The following PLCL1 variants were observed in gnomAD, a reference collection of about 807,000 sequenced individuals.
The protein encoded by PLCL1 is phospholipase C like 1 (inactive), also known as inactive phospholipase C-like protein 1.
A neutral mutation model predicts 84.4 loss-of-function variants in PLCL1; 41 were observed. The ratio of observed to expected loss-of-function variants is 0.49; its 90% CI spans 0.38 to 0.63. The LOEUF is 0.63. Among genes scored for constraint, PLCL1 ranks in the 30% least tolerant of loss-of-function variants. PLCL1 has a pLI of 0.00. For synonymous variants in PLCL1, 490 were observed against 488.3 expected (o/e 1.00, Z -0.05); for missense variants, 1,206 against 1,367.8 (o/e 0.88, Z 1.87).
At chr2:197,883,854 C>T (rs1396713700) in intron 1 of PLCL1, among the ~76,000 whole-genome samples, 1 of 152,022 alleles carries the variant, frequency 6.6e-6, no homozygotes, top group African/African-American at 2.4e-5. Context: ...CAGAACTTGT[C>T]CTAGATAGGA....
At chr2:198,074,350 A>G (rs1475223756) in intron 1 of PLCL1, among the ~76,000 whole-genome samples, 1 of 152,098 alleles carries the variant, frequency 6.6e-6, no homozygotes, top group Non-Finnish European at 1.5e-5. Context: ...CTCCAATAAC[A>G]CTCTATGATA....
intron 1 of PLCL1, among the ~76,000 whole-genome samples, chr2:197,865,106 G>T (rs1345562485): frequency 6.6e-6 from 1 of 152,082 alleles, no homozygotes; most frequent in Non-Finnish European, 1.5e-5. Flanking sequence ...TATAATTGAA[G>T]AATCTAAGGT....
At chr2:197,832,542 G>A (rs1019810435) in intron 1 of PLCL1, among the ~76,000 whole-genome samples, 2 of 152,166 alleles carry the variant, frequency 1.3e-5, no homozygotes, top group African/African-American at 2.4e-5. Flanking sequence ...CCTAGCACCA[G>A]ACAGATTCAC....
At chr2:198,030,850 G>C (rs1198331481) in intron 1 of PLCL1, among the ~76,000 whole-genome samples, 1 of 152,130 alleles carries the variant, frequency 6.6e-6, no homozygotes, top group Non-Finnish European at 1.5e-5. Flanking sequence ...GGTGATGGTA[G>C]GCACCTGAGC....
Position 198,089,092 on chromosome 2 carries a change from G to A in PLCL1, c.2919+31G>A, listed in dbSNP as rs3213867. 0.18 allele frequency: 246,827 copies of A among 1,352,694 alleles called. 21,349 individuals carry two copies. Among genetic ancestry groups the A allele is most frequent in the East Asian group, 0.25 (10,525 of 42,636 alleles). The allele number at this position is 1,352,694 out of a possible 1,614,324, so 83.8% of individuals were successfully genotyped here. A position where few individuals can be genotyped will look rare whatever the true frequency, so the allele number is the denominator to read the frequency against. On this transcript the variant is annotated intron_variant, in intron 3 of 5. Coordinates refer to ENST00000428675, the MANE Select transcript of PLCL1 (RefSeq NM_006226.4). The stretch of plus-strand genomic sequence containing the variant: ...AAATTGCGACTCCATATTTTTTTAC[G>A]TGTGTGTGTGTGTGAAATCACAAAT...
chr2:197,832,938 G>A (rs1419771245), intron 1 of PLCL1, among the ~76,000 whole-genome samples: 3 of 152,076 alleles, frequency 2.0e-5, no homozygotes, highest in Non-Finnish European at 2.9e-5. Flanking sequence ...AAAGGCCTTC[G>A]ATAAAATTTG....
At chr2:198,046,486 A>G (rs1431213108) in intron 1 of PLCL1, among the ~76,000 whole-genome samples, 6 of 152,204 alleles carry the variant, frequency 3.9e-5, no homozygotes, top group Admixed American at 1.3e-4. Flanking sequence ...AGACATAAAT[A>G]AGTAAAACAG....
At chr2:198,010,163 T>C (rs1351484382) in intron 1 of PLCL1, among the ~76,000 whole-genome samples, 1 of 152,016 alleles carries the variant, frequency 6.6e-6, no homozygotes, top group African/African-American at 2.4e-5. Context: ...TTATTTCTTT[T>C]TCTTGTCTAA....
At chr2:198,118,566 A>G (rs1693798623) in intron 5 of PLCL1, among the ~76,000 whole-genome samples, 1 of 152,046 alleles carries the variant, frequency 6.6e-6, no homozygotes, top group Admixed American at 6.6e-5. Context: ...ATGAATTTTC[A>G]TTGAAGTTAA....
At chr2:198,051,527 C>T (rs1042591181) in intron 1 of PLCL1, among the ~76,000 whole-genome samples, 2 of 151,818 alleles carry the variant, frequency 1.3e-5, no homozygotes, top group South Asian at 2.1e-4. Context: ...TAATATCTTC[C>T]AACCACATTC....
chr2:198,085,223 C>A lies in PLCL1; in HGVS notation c.1706C>A (p.Ser569Ter). Residue 569 changes from serine to a stop codon, truncating the protein, a stop_gained, in exon 2 of 6, where the codon TCG (serine) becomes TAG (stop). Transcript: ENST00000428675. LOFTEE classifies it high-confidence loss of function. The surrounding 1 kb of genome is among the most constrained non-coding windows in gnomAD (Gnocchi z 5.3). The stretch of plus-strand genomic sequence containing the variant: ...GAAGCTGAAATGTCTCGAAGGATGT[C>A]GGTAGATTACAATGGTGAGCAGAAG... Reference protein sequence around the residue: ...DEEAEMSRRMSVDYNGEQKQI... With the variant: ...DEEAEMSRRM 1 of 1,613,872 alleles carries A rather than the reference C, an allele frequency of 6.2e-7. No homozygotes were observed. The highest frequency in any genetic ancestry group is 8.5e-7 in the Non-Finnish European group (1 of 1,179,920).
intron 1 of PLCL1, among the ~76,000 whole-genome samples, chr2:197,834,643 G>T (rs551687392): frequency 6.6e-5 from 10 of 152,296 alleles, no homozygotes; most frequent in Admixed American, 5.2e-4. Flanking sequence ...AAAAAGTCAG[G>T]AAACAACACA....
chr2:197,945,849 C>T (rs1689261201), intron 1 of PLCL1, among the ~76,000 whole-genome samples: 1 of 152,032 alleles, frequency 6.6e-6, no homozygotes, highest in African/African-American at 2.4e-5. Flanking sequence ...TTGGTTAACA[C>T]CTGTCCAGTT....
chr2:197,957,930 A>AT (rs1689524112), intron 1 of PLCL1, among the ~76,000 whole-genome samples: 1 of 152,096 alleles, frequency 6.6e-6, no homozygotes, highest in South Asian at 2.1e-4. Context: ...CCTGAAGCAG[A>AT]TCCACGTTAT....
chr2:198,020,198 T>G (rs1157830897), intron 1 of PLCL1, among the ~76,000 whole-genome samples: 6 of 152,206 alleles, frequency 3.9e-5, no homozygotes, highest in Admixed American at 3.3e-4. Flanking sequence ...TGAGGGATTT[T>G]GTCACCACCA....
intron 1 of PLCL1, among the ~76,000 whole-genome samples, chr2:197,923,562 C>T (rs1202364705): frequency 6.8e-6 from 1 of 147,186 alleles, no homozygotes; most frequent in East Asian, 2.1e-4. Context: ...AGACGATGGG[C>T]GGCCGGGCAG....
In PLCL1 at chr2:197,921,458, C is replaced by T. The variant is rs1448021547; in HGVS notation, c.240+116119C>T. Among the ~76,000 whole-genome samples the T allele has an allele frequency of 2.6e-5, 4 of 151,758 alleles. No homozygotes were observed. The East Asian group carries it at 5.8e-4, about 22-fold the overall frequency. On this transcript the variant is annotated intron_variant, in intron 1 of 5. Transcript: ENST00000428675. ...TGTATGCCTTGATTATAAATATTGG[C>T]GTGGAAAAATGTCCTCATACTTAAT...
At chr2:198,126,286 AC>A (rs1693982809) in intron 5 of PLCL1, among the ~76,000 whole-genome samples, 1 of 152,072 alleles carries the variant, frequency 6.6e-6, no homozygotes, top group Non-Finnish European at 1.5e-5. Flanking sequence ...AATCTAGAAG[AC>A]TCAGCCTTGA....
intron 1 of PLCL1, among the ~76,000 whole-genome samples, chr2:198,036,841 G>T (rs1691561178): frequency 6.6e-6 from 1 of 151,518 alleles, no homozygotes; most frequent in Non-Finnish European, 1.5e-5. Flanking sequence ...TTTACAGCTC[G>T]TTATACAACT....
Sources: gnomAD v4.1 joint callset for allele counts (sites outside exome capture counted in the v4.1 genomes callset) on GRCh38, gnomAD v4.1.1 for gene constraint, Gnocchi (gnomAD v3.1) non-coding constraint, MANE v1.5 for transcripts, NCBI Gene and HGNC (gene_info 2026-07-23, HGNC 2026-07-21) for gene names.